The following SYNPO2 variants were observed in gnomAD, a reference collection of about 807,000 sequenced individuals.
SYNPO2 encodes the protein synaptopodin-2.
A neutral mutation model predicts 85.0 loss-of-function variants in SYNPO2; 56 were observed. The ratio of observed to expected loss-of-function variants is 0.66; its 90% CI spans 0.53 to 0.82. The LOEUF (loss-of-function observed/expected upper bound fraction) is 0.82, where lower values mean the gene tolerates loss of function less well. Ranked by LOEUF, SYNPO2 falls within the 40% of genes least tolerant of loss-of-function variation. The pLI, the probability that SYNPO2 is intolerant of heterozygous loss-of-function variation, is 0.00. For missense variants in SYNPO2, 1,575 were observed against 1,534.2 expected (o/e 1.03, Z -0.44); for synonymous variants, 602 against 591.1 (o/e 1.02, Z -0.27).
chr4:119,003,449 C>T (rs1412686044), intron 1 of SYNPO2, among the ~76,000 whole-genome samples: 1 of 152,182 alleles, frequency 6.6e-6, no homozygotes, highest in African/African-American at 2.4e-5. Context: ...CATATCACTG[C>T]TATTCAAACT....
intron 1 of SYNPO2, among the ~76,000 whole-genome samples, chr4:118,934,905 C>A (rs921027276): frequency 6.6e-6 from 1 of 152,124 alleles, no homozygotes; most frequent in African/African-American, 2.4e-5. Flanking sequence ...GTCCTTTATT[C>A]ATCGGTGTTT....
chr4:119,055,894 C>T (rs1285085395), intron 4 of SYNPO2, among the ~76,000 whole-genome samples: 13 of 151,754 alleles, frequency 8.6e-5, no homozygotes, highest in South Asian at 2.1e-4. Context: ...TCTTTGTGTA[C>T]CTAATAATAA....
intron 1 of SYNPO2, among the ~76,000 whole-genome samples, chr4:118,995,839 A>T (rs547639443): frequency 6.6e-6 from 1 of 151,506 alleles, no homozygotes; most frequent in African/African-American, 2.4e-5. Flanking sequence ...TTCATTCTTT[A>T]TCTGTCCATG....
chr4:118,914,358 C>G (rs1388539041), intron 1 of SYNPO2, among the ~76,000 whole-genome samples: 1 of 151,396 alleles, frequency 6.6e-6, no homozygotes, highest in East Asian at 1.9e-4. Flanking sequence ...AAGCAAGAAG[C>G]CAAGAGAACA....
intron 4 of SYNPO2, among the ~76,000 whole-genome samples, chr4:119,053,363 C>G (rs1311149779): frequency 3.3e-5 from 5 of 152,226 alleles, no homozygotes; most frequent in Non-Finnish European, 7.3e-5. Context: ...AGTTGGATCT[C>G]TAACCTAAAA....
intron 1 of SYNPO2, among the ~76,000 whole-genome samples, chr4:118,987,796 A>G (rs1367231976): frequency 2.6e-5 from 4 of 152,182 alleles, no homozygotes; most frequent in African/African-American, 9.6e-5. Context: ...TTGTTTTTAA[A>G]ACATCCATTT....
intron 1 of SYNPO2, among the ~76,000 whole-genome samples, chr4:118,898,132 A>C (rs1406736801): frequency 6.6e-6 from 1 of 152,148 alleles, no homozygotes; most frequent in African/African-American, 2.4e-5. Context: ...TTTTGAAGCA[A>C]AAACCTTCAA....
At chr4:119,052,150 C>T (rs1164340248) in intron 4 of SYNPO2, among the ~76,000 whole-genome samples, 5 of 152,138 alleles carry the variant, frequency 3.3e-5, no homozygotes, top group African/African-American at 4.8e-5. Context: ...GACAGGCTGA[C>T]AAACTGTTCT....
In SYNPO2 at chr4:119,007,231, T is replaced by TATATATATATAC. The variant is rs1560971840; in HGVS notation, c.106-16188_106-16187insCATATATATATA. Among the ~76,000 whole-genome samples the TATATATATATAC allele has an allele frequency of 7.9e-4, 39 of 49,280 alleles. 1 individual carries two copies. Among genetic ancestry groups the TATATATATATAC allele is most frequent in the African/African-American group, 3.6e-3 (38 of 10,680 alleles). The allele number at this position is 49,280 out of a possible 152,430, so 32.3% of individuals were successfully genotyped here. ...AAGAACAAAGGTATATATATATATA[T>TATATATATATAC]ATATATATATATATGTATATACATA... On this transcript the variant is annotated intron_variant, in intron 1 of 4. Transcript: ENST00000307142.
intron 1 of SYNPO2, among the ~76,000 whole-genome samples, chr4:118,865,608 GAGAGTGTTTAC>G (rs1002480523): frequency 1.7e-4 from 26 of 152,298 alleles, no homozygotes; most frequent in Admixed American, 1.2e-3. Context: ...AGATTTGGCT[GAGAGTGTTTAC>G]AGAGTCACTG....
intron 1 of SYNPO2, among the ~76,000 whole-genome samples, chr4:118,977,445 T>C (rs1735832370): frequency 6.6e-6 from 1 of 152,322 alleles, no homozygotes; most frequent in Admixed American, 6.5e-5. Context: ...CACACCTCCC[T>C]GCAAGCTGAG....
chr4:119,044,190 A>G (rs1335903807), intron 4 of SYNPO2, among the ~76,000 whole-genome samples: 1 of 152,242 alleles, frequency 6.6e-6, no homozygotes, highest in Non-Finnish European at 1.5e-5. Context: ...TTCTGATAAA[A>G]GATGTTTCCT....
chr4:118,987,439 G>T, intron 1 of SYNPO2, among the ~76,000 whole-genome samples: 1 of 152,192 alleles, frequency 6.6e-6, no homozygotes, highest in East Asian at 1.9e-4. Context: ...GAAGGCTGAG[G>T]CAGGAGGATT....
intron 1 of SYNPO2, among the ~76,000 whole-genome samples, chr4:118,959,950 G>T (rs146277862): frequency 6.6e-6 from 1 of 152,134 alleles, no homozygotes; most frequent in African/African-American, 2.4e-5. Context: ...AGGAACTTGC[G>T]CTGGAGAGGG....
intron 1 of SYNPO2, among the ~76,000 whole-genome samples, chr4:118,966,166 C>T (rs1263948189): frequency 2.0e-5 from 3 of 152,088 alleles, no homozygotes; most frequent in East Asian, 1.9e-4. Context: ...GAGGGACTCA[C>T]GGGCAAAAGT....
intron 1 of SYNPO2, among the ~76,000 whole-genome samples, chr4:118,970,959 A>C (rs1435917960): frequency 4.6e-5 from 7 of 151,834 alleles, no homozygotes; most frequent in Non-Finnish European, 1.0e-4. Context: ...ATTTGTTTTG[A>C]CCCCCAATGA....
At chr4:118,972,965 AC>A (rs1477910796) in intron 1 of SYNPO2, among the ~76,000 whole-genome samples, 2 of 152,120 alleles carry the variant, frequency 1.3e-5, no homozygotes, top group Non-Finnish European at 2.9e-5. Flanking sequence ...ACTTTTTCAC[AC>A]CAATGGTCCC....
In SYNPO2 at chr4:118,937,511, G is replaced by A. The variant is rs192579105; in HGVS notation, c.105+48370G>A. Reference sequence around the variant, plus strand: ...GAGCACCTACATGTGTACTGCTTATGTGTCTAAAGTCTGCCTCAGACAGTA... The same window carrying A: ...GAGCACCTACATGTGTACTGCTTATATGTCTAAAGTCTGCCTCAGACAGTA... On this transcript the variant is annotated intron_variant, in intron 1 of 4. Coordinates refer to ENST00000307142, the MANE Select transcript of SYNPO2 (RefSeq NM_133477.3). Among the ~76,000 whole-genome samples, 8 of 152,122 alleles carry A rather than the reference G, an allele frequency of 5.3e-5. No individual in the cohort carries two copies. The East Asian group carries it at 1.2e-3, about 22-fold the overall frequency.
At chr4:119,006,627 C>A (rs111645109) in intron 1 of SYNPO2, among the ~76,000 whole-genome samples, 2,619 of 152,234 alleles carry the variant, frequency 0.017, 68 homozygotes, top group African/African-American at 0.06. Context: ...TCTGGTAAGC[C>A]TCACTAATAA....
Sources: allele counts gnomAD v4.1 joint callset (sites outside exome capture counted in the v4.1 genomes callset), GRCh38; gene constraint gnomAD v4.1.1; transcripts MANE v1.5; gene names NCBI Gene and HGNC (gene_info 2026-07-23, HGNC 2026-07-21).